WEE1: variants seen among roughly 807,000 people sequenced by gnomAD.
WEE1 encodes WEE1 G2 checkpoint kinase.
Under a neutral mutation model 68.8 loss-of-function variants are expected in WEE1, and 16 were observed. That is an observed-to-expected ratio of 0.23 (90% CI 0.16 to 0.35). WEE1 has a LOEUF of 0.35. WEE1 is among the 10% of genes least tolerant of loss of function. The pLI, the probability that WEE1 is intolerant of heterozygous loss-of-function variation, is 1.00. For synonymous variants in WEE1, 349 were observed against 318.7 expected (o/e 1.09, Z -1.01); for missense variants, 651 against 824.1 (o/e 0.79, Z 2.57).
At chr11:9,584,690 A>C (rs150731855) in intron 6 of WEE1, among the ~76,000 whole-genome samples, 1 of 152,234 alleles carries the variant, frequency 6.6e-6, no homozygotes. Context: ...TTCACAAATT[A>C]CTGATACTAC....
chr11:9,577,117 T>C (rs1849573099), intron 4 of WEE1, 25 bp from the exon 5 acceptor site: 9 of 1,587,062 alleles, frequency 5.7e-6, no homozygotes, highest in Non-Finnish European at 7.7e-6. Context: ...TATTTACCAT[T>C]CTATTAATCT....
Position 9,588,737 on chromosome 11 carries a change from T to C in WEE1, c.*135T>C, listed in dbSNP as rs1849730422. On this transcript the variant is annotated 3_prime_UTR_variant, in exon 11 of 11. Coordinates refer to ENST00000450114, the MANE Select transcript of WEE1 (RefSeq NM_003390.4). The stretch of plus-strand genomic sequence containing the variant: ...ACTGATTAGGACTTTTATTGTGAAT[T>C]ACAGTTGAAAGCTGTATTTTGATGA... The C allele has an allele frequency of 7.4e-7, 1 of 1,345,964 alleles. No individual in the cohort carries two copies. Among genetic ancestry groups the C allele is most frequent in the Non-Finnish European group, 9.5e-7 (1 of 1,047,210 alleles). 83.4% of individuals were successfully genotyped at this position (1,345,964 alleles called of 1,614,324 possible).
chr11:9,588,413 C>A, intron 10 of WEE1, 36 bp from the exon 11 acceptor site: 1 of 1,445,516 alleles, frequency 6.9e-7, no homozygotes, highest in Non-Finnish European at 9.2e-7. Flanking sequence ...GAATCTCTTC[C>A]TAGGAATAAT....
chr11:9,575,994 G>A lies in WEE1; in HGVS notation c.683G>A (p.Arg228Gln), dbSNP rs768899313. ...TCAGGAAAAAGGGAATTTGATGTGC[G>A]ACAGACTCCTCAAGTGAATATTAAT... The part of the protein sequence containing the change: ...EKSGKREFDV[R>Q]QTPQVNINPF... The change falls in exon 2 of 11, where the codon CGA becomes CAA. Residue 228 changes from arginine (R) to glutamine (Q), a missense_variant. This residue lies in a region of WEE1 where 395 missense variants were observed against 378.4 expected (regional missense o/e 1.04). Transcript: ENST00000450114. 19 of 1,614,078 alleles carry A rather than the reference G, an allele frequency of 1.2e-5. No homozygotes were observed. The highest frequency in any genetic ancestry group is 3.3e-5 in the South Asian group (3 of 91,084).
At position 9,586,693 on chromosome 11, in the gene WEE1, T is replaced by C. The variant is rs193201405; in HGVS notation, c.1642-18T>C. 6.2e-6 allele frequency: 10 copies of C among 1,610,966 alleles called. No homozygotes were observed. The Admixed American group carries it at 1.7e-4, about 27-fold the overall frequency. On this transcript the variant is annotated intron_variant, in intron 9 of 10. Coordinates refer to ENST00000450114, the MANE Select transcript of WEE1 (RefSeq NM_003390.4). The stretch of plus-strand genomic sequence containing the variant: ...ATTAAATGCATGTCTTTACCTTCAT[T>C]TTACTTTTCTTTTTAAGGTTATGAT...
intron 6 of WEE1, among the ~76,000 whole-genome samples, chr11:9,582,727 C>T (rs1001956842): frequency 3.9e-5 from 6 of 151,968 alleles, no homozygotes; most frequent in South Asian, 4.1e-4. Flanking sequence ...CCACCATGCC[C>T]GGCTAATTTT....
rs1412044624 is a variant in WEE1, at chr11:9,574,316, C to T, written c.383C>T (p.Pro128Leu). Residue 128 changes from proline (P) to leucine (L), a missense_variant, in exon 1 of 11, where the codon CCG (proline) becomes CTG (leucine). By Grantham distance (98) the Pro-to-Leu change is moderately conservative. Around this residue, in one of 5 missense-constraint regions of WEE1, gnomAD observed 395 missense variants for 378.4 expected, o/e 1.04. Transcript: ENST00000450114. This position sits in a 1 kb window ranked among gnomAD's most constrained non-coding sequence, Gnocchi z 4.9. The stretch of plus-strand genomic sequence containing the variant: ...GGCTCCTCGTCGCCGGTCAAGTCGC[C>T]GGCGGCCCCCTACTTCCTGGGTAGC... The part of the protein sequence containing the change: ...GFGSSSPVKS[P>L]AAPYFLGSSF... The T allele has an allele frequency of 2.4e-6, 3 of 1,269,486 alleles. No individual in the cohort carries two copies. Among genetic ancestry groups the T allele is most frequent in the African/African-American group, 3.1e-5 (2 of 64,122 alleles). 78.6% of individuals were successfully genotyped at this position (1,269,486 alleles called of 1,614,324 possible). A position where few individuals can be genotyped will look rare whatever the true frequency, so the allele number is the denominator to read the frequency against.
rs1341199361 is a variant in WEE1, at chr11:9,573,808, G to T, written c.-126G>T. On this transcript the variant is annotated 5_prime_UTR_variant, in exon 1 of 11. Coordinates refer to ENST00000450114, the MANE Select transcript of WEE1 (RefSeq NM_003390.4). ...CCCCGGAGCCGCAGGCCGCCGCCGC[G>T]CAGAGACGCCGCGGCTGCGACTAGG... The T allele has an allele frequency of 5.6e-5, 45 of 798,394 alleles. No homozygotes were observed. The highest frequency in any genetic ancestry group is 7.3e-5 in the Non-Finnish European group (45 of 619,366). The allele number at this position is 798,394 out of a possible 1,614,324, so 49.5% of individuals were successfully genotyped here.
chr11:9,580,053 A>G (rs964532865), intron 5 of WEE1: 5 of 152,246 alleles, frequency 3.3e-5, no homozygotes, highest in Non-Finnish European at 1.5e-5. Context: ...GATTTAACTA[A>G]TTCTATAAAA....
intron 6 of WEE1, among the ~76,000 whole-genome samples, chr11:9,583,666 G>T (rs1222574684): frequency 6.8e-6 from 1 of 146,806 alleles, no homozygotes; most frequent in Non-Finnish European, 1.5e-5. Flanking sequence ...AAAATAAGTT[G>T]TCCTATAAAG....
Position 9,573,775 on chromosome 11 carries a change from C to T in WEE1, c.-159C>T. On this transcript the variant is annotated 5_prime_UTR_variant, in exon 1 of 11. Transcript: ENST00000450114. ...CCGCCGCTGCCGCCACCGTCCGCAG[C>T]CCGAGCGCCCCGGAGCCGCAGGCCG... 3 of 456,074 alleles carry T rather than the reference C, an allele frequency of 6.6e-6. No homozygotes were observed. The highest frequency in any genetic ancestry group is 9.3e-6 in the Non-Finnish European group (3 of 322,170). 28.3% of individuals were successfully genotyped at this position (456,074 alleles called of 1,614,324 possible). A position where few individuals can be genotyped will look rare whatever the true frequency, so the allele number is the denominator to read the frequency against.
At position 9,577,270 on chromosome 11, in the gene WEE1, G is replaced by T. The variant is rs761052709; in HGVS notation, c.1141+7G>T. 4 of 1,607,390 alleles carry T rather than the reference G, an allele frequency of 2.5e-6. No individual in the cohort carries two copies. The African/African-American group carries it at 4.0e-5, about 16-fold the overall frequency. On this transcript the variant is annotated splice_region_variant and intron_variant, in intron 5 of 10. Transcript: ENST00000450114. ...CAGAATGAATATTGTAATGGTGAGT[G>T]ATGTAATGGTTTTCTTGTGAGCTTG...
At position 9,588,616 on chromosome 11, in the gene WEE1, C is replaced by T. The variant is rs1161917803; in HGVS notation, c.*14C>T. 1 of 1,542,884 alleles carries T rather than the reference C, an allele frequency of 6.5e-7. No individual in the cohort carries two copies. The highest frequency in any genetic ancestry group is 1.3e-5 in the South Asian group (1 of 79,086). On this transcript the variant is annotated 3_prime_UTR_variant, in exon 11 of 11. Coordinates refer to ENST00000450114, the MANE Select transcript of WEE1 (RefSeq NM_003390.4). Reference sequence around the variant, plus strand: ...ACTATATACTGAGCTACTCCTTTCCCACCTCCCCCTGAACACTGTGACAAG... The same window carrying T: ...ACTATATACTGAGCTACTCCTTTCCTACCTCCCCCTGAACACTGTGACAAG...
In WEE1 at chr11:9,588,344, G is replaced by C. The variant is rs1353771783; in HGVS notation, c.1788-105G>C. The C allele has an allele frequency of 8.6e-6, 6 of 700,686 alleles. No individual in the cohort carries two copies. The African/African-American group carries it at 9.3e-5, about 11-fold the overall frequency. The allele number at this position is 700,686 out of a possible 1,614,324, so 43.4% of individuals were successfully genotyped here. ...TGTTTTATTTTTCAATTACATCTTA[G>C]AATAATGATGGCATGCAAATATCTC... is the stretch of plus-strand genomic sequence containing the variant. On this transcript the variant is annotated intron_variant, in intron 10 of 10. Transcript: ENST00000450114.
At chr11:9,581,813 C>T (rs1849631280) in intron 6 of WEE1, 135 bp downstream of exon 6, 2 of 862,390 alleles carry the variant, frequency 2.3e-6, no homozygotes, top group Non-Finnish European at 3.4e-6. Context: ...ATCCACTTAC[C>T]AATATTGTTT....
chr11:9,579,733 C>G (rs1462382305), intron 5 of WEE1: 5 of 151,188 alleles, frequency 3.3e-5, no homozygotes, highest in Non-Finnish European at 7.4e-5. Flanking sequence ...TTGGTTTGCT[C>G]CCTTCTAGAG....
intron 6 of WEE1, among the ~76,000 whole-genome samples, chr11:9,583,948 C>G (rs984720161): frequency 6.7e-6 from 1 of 148,844 alleles, no homozygotes; most frequent in Non-Finnish European, 1.5e-5. Flanking sequence ...TGGGTTCAAG[C>G]GATTCTCCTG....
intron 6 of WEE1, among the ~76,000 whole-genome samples, chr11:9,584,639 A>G (rs532220099): frequency 8.5e-5 from 13 of 152,330 alleles, no homozygotes; most frequent in Admixed American, 2.6e-4. Flanking sequence ...TGCTCACACC[A>G]GCCTTATAGC....
chr11:9,586,347 T>C, intron 8 of WEE1, 102 bp from the exon 9 acceptor site: 1 of 1,074,458 alleles, frequency 9.3e-7, no homozygotes, highest in Non-Finnish European at 1.3e-6. Context: ...TATTAGACAC[T>C]TTGATTAAGT....
Sources: gnomAD v4.1 joint callset for allele counts (sites outside exome capture counted in the v4.1 genomes callset) on GRCh38, gnomAD v4.1.1 for gene constraint, gnomAD v4.1.1 regional missense constraint, Gnocchi (gnomAD v3.1) non-coding constraint, MANE v1.5 for transcripts, NCBI Gene and HGNC (gene_info 2026-07-23, HGNC 2026-07-21) for gene names.